The following RASAL2 variants were observed in gnomAD, a reference collection of about 807,000 sequenced individuals.
The protein encoded by RASAL2 is RAS protein activator like 2, also known as ras GTPase-activating protein nGAP.
Under a neutral mutation model 128.9 loss-of-function variants are expected in RASAL2, and 58 were observed. The observed-to-expected ratio is 0.45, with a 90% CI of 0.36 to 0.56. The LOEUF is 0.56. Among genes scored for constraint, RASAL2 ranks in the 20% least tolerant of loss-of-function variants. The pLI, the probability that RASAL2 is intolerant of heterozygous loss-of-function variation, is 0.00. For synonymous variants in RASAL2, 561 were observed against 580.8 expected (o/e 0.97, Z 0.49); for missense variants, 1,360 against 1,601.6 (o/e 0.85, Z 2.57).
In RASAL2 at chr1:178,473,076, A is replaced by G. The variant is rs1353518184; in HGVS notation, c.3680A>G (p.Glu1227Gly). The change falls in exon 18 of 18, where the codon GAA (glutamate) becomes GGA (glycine). Residue 1227 changes from glutamate (E) to glycine (G), a missense_variant and splice_region_variant. By Grantham distance (98) the Glu-to-Gly change is moderately conservative. Around this residue, in one of 3 missense-constraint regions of RASAL2, gnomAD observed 741 missense variants for 868.6 expected, o/e 0.85. Coordinates refer to ENST00000367649, the MANE Select transcript of RASAL2 (RefSeq NM_170692.4). ...AAAGCCATGATTGGTGTGTTGTAGG[A>G]AAAACGGATCGTGTCCCTGGATTCA... is the stretch of plus-strand genomic sequence containing the variant. ...DAKQKIIDAQ[E>G]KRIVSLDSAN... 3 of 1,614,118 alleles carry G rather than the reference A, an allele frequency of 1.9e-6. No individual in the cohort carries two copies. Among genetic ancestry groups the G allele is most frequent in the Non-Finnish European group, 2.5e-6 (3 of 1,179,966 alleles).
chr1:178,283,148 C>G (rs1431535875), intron 1 of RASAL2, among the ~76,000 whole-genome samples: 1 of 152,150 alleles, frequency 6.6e-6, no homozygotes, highest in Non-Finnish European at 1.5e-5. Flanking sequence ...TACATTTACT[C>G]TCAGAGTTCT....
chr1:178,354,769 A>G (rs981247987), intron 3 of RASAL2, among the ~76,000 whole-genome samples: 1 of 152,246 alleles, frequency 6.6e-6, no homozygotes, highest in Non-Finnish European at 1.5e-5. Flanking sequence ...TAAAACATCT[A>G]AAAAGTAAAC....
At chr1:178,248,078 A>G (rs1024884644) in intron 1 of RASAL2, among the ~76,000 whole-genome samples, 2 of 152,198 alleles carry the variant, frequency 1.3e-5, no homozygotes, top group African/African-American at 4.8e-5. Context: ...GTAGATGTCT[A>G]TTAGGTCCAC....
Position 178,451,659 on chromosome 1 carries a change from G to A in RASAL2, c.1716G>A (p.Gln572=), listed in dbSNP as rs1291157457. The change falls in exon 10 of 18, where the codon CAG becomes CAA. Residue 572 remains glutamine (Q), a synonymous_variant. Coordinates refer to ENST00000367649, the MANE Select transcript of RASAL2 (RefSeq NM_170692.4). ...KCSSSELIDH[Q]SNLKMCCELA... ...CATCTAGTGAACTGATAGACCATCAGAGCAACCTGAAAATGTGCTGTGAGC... is the reference window on the plus strand; with the variant it reads ...CATCTAGTGAACTGATAGACCATCAAAGCAACCTGAAAATGTGCTGTGAGC... The A allele has an allele frequency of 1.2e-6, 2 of 1,613,756 alleles. No individual in the cohort carries two copies. The highest frequency in any genetic ancestry group is 2.7e-5 in the African/African-American group (2 of 74,908).
intron 1 of RASAL2, among the ~76,000 whole-genome samples, chr1:178,249,833 A>T (rs537987004): frequency 6.6e-6 from 1 of 152,044 alleles, no homozygotes; most frequent in African/African-American, 2.4e-5. Context: ...TCTTCTGCAG[A>T]TCTGCTCCAG....
At chr1:178,265,321 C>A (rs908904828) in intron 1 of RASAL2, among the ~76,000 whole-genome samples, 1 of 152,148 alleles carries the variant, frequency 6.6e-6, no homozygotes, top group African/African-American at 2.4e-5. Context: ...TGCAGTAGCA[C>A]GATCTTGGCT....
rs571888882 is a variant in RASAL2 at position 178,386,607 on chromosome 1, T to TATAAC, written c.458-3493_458-3492insATAAC. Among the ~76,000 whole-genome samples, 611 of 152,304 alleles carry TATAAC rather than the reference T, an allele frequency of 4.0e-3. 2 individuals are homozygous for TATAAC. Among genetic ancestry groups the TATAAC allele is most frequent in the African/African-American group, 0.013 (523 of 41,578 alleles). On this transcript the variant is annotated intron_variant, in intron 3 of 17. Coordinates refer to ENST00000367649, the MANE Select transcript of RASAL2 (RefSeq NM_170692.4). The stretch of plus-strand genomic sequence containing the variant: ...CTTAACCAGGCTTTTTATAACTCTT[T>TATAAC]TTGCCTTTCAATCTGAAGATGAAAA...
intron 4 of RASAL2, among the ~76,000 whole-genome samples, chr1:178,410,725 G>T (rs1674309898): frequency 6.6e-6 from 1 of 151,608 alleles, no homozygotes; most frequent in Non-Finnish European, 1.5e-5. Flanking sequence ...TGAATACACA[G>T]TTCTCAAAAG....
chr1:178,187,122 C>G (rs1360589433), intron 1 of RASAL2, among the ~76,000 whole-genome samples: 1 of 152,038 alleles, frequency 6.6e-6, no homozygotes, highest in African/African-American at 2.4e-5. Flanking sequence ...TCCACTGCAC[C>G]CGGCTTATTT....
chr1:178,477,299 G>A lies in RASAL2; in HGVS notation c.*4060G>A, dbSNP rs1023638690. 3 of 152,152 alleles carry A rather than the reference G, an allele frequency of 2.0e-5. No homozygotes were observed. The highest frequency in any genetic ancestry group is 4.8e-5 in the African/African-American group (2 of 41,438). The allele number at this position is 152,152 out of a possible 1,614,324, so 9.4% of individuals were successfully genotyped here. A position where few individuals can be genotyped will look rare whatever the true frequency, so the allele number is the denominator to read the frequency against. On this transcript the variant is annotated 3_prime_UTR_variant, in exon 18 of 18. Coordinates refer to ENST00000367649, the MANE Select transcript of RASAL2 (RefSeq NM_170692.4). Reference sequence around the variant, plus strand: ...TTGAGATACTTTGTTTTTTCAATGCGTCAGTTGAAGGATTTAGTTTCTTAA... The same window carrying A: ...TTGAGATACTTTGTTTTTTCAATGCATCAGTTGAAGGATTTAGTTTCTTAA...
At chr1:178,351,388 A>G (rs1670490451) in intron 3 of RASAL2, among the ~76,000 whole-genome samples, 1 of 152,208 alleles carries the variant, frequency 6.6e-6, no homozygotes, top group Non-Finnish European at 1.5e-5. Flanking sequence ...ATCTTAGAGA[A>G]GGCTAGTCCC....
rs1234205571 is a variant in RASAL2, at chr1:178,226,480, T to TA, written c.203-57083dup. On this transcript the variant is annotated intron_variant, in intron 1 of 17. Coordinates refer to ENST00000367649, the MANE Select transcript of RASAL2 (RefSeq NM_170692.4). Reference sequence around the variant, plus strand: ...CTTTTGTTGATTTTTACCTGGTTTTTACCACACCAGCTATGTGGAAGAGAA... The same window carrying TA: ...CTTTTGTTGATTTTTACCTGGTTTTTAACCACACCAGCTATGTGGAAGAGAA... 7.2e-5 allele frequency among the ~76,000 whole-genome samples: 11 copies of TA among 152,332 alleles called. No individual in the cohort carries two copies. The East Asian group carries it at 2.1e-3, about 29-fold the overall frequency.
At chr1:178,432,038 G>T (rs1328038659) in intron 5 of RASAL2, among the ~76,000 whole-genome samples, 6 of 151,324 alleles carry the variant, frequency 4.0e-5, no homozygotes, top group African/African-American at 1.5e-4. Flanking sequence ...GTTGTGGGAG[G>T]TACCCTTTTT....
intron 1 of RASAL2, among the ~76,000 whole-genome samples, chr1:178,240,517 G>A (rs995613071): frequency 6.6e-6 from 1 of 151,554 alleles, no homozygotes; most frequent in Non-Finnish European, 1.5e-5. Flanking sequence ...AATATAAAGG[G>A]ATGTTTTATC....
At chr1:178,347,556 C>T (rs1430005035) in intron 3 of RASAL2, among the ~76,000 whole-genome samples, 1 of 152,116 alleles carries the variant, frequency 6.6e-6, no homozygotes, top group Non-Finnish European at 1.5e-5. Flanking sequence ...TAGTATATAA[C>T]AAGGTGTGCA....
chr1:178,182,113 CATTTATTT>C (rs767282160), intron 1 of RASAL2, among the ~76,000 whole-genome samples: 1 of 152,092 alleles, frequency 6.6e-6, no homozygotes, highest in Non-Finnish European at 1.5e-5. Context: ...CCTCCTACCC[CATTTATTT>C]ATTTATTTAT....
intron 1 of RASAL2, among the ~76,000 whole-genome samples, chr1:178,173,124 C>T (rs1661762317): frequency 6.6e-6 from 1 of 152,072 alleles, no homozygotes; most frequent in Non-Finnish European, 1.5e-5. Context: ...CCATCCCTTC[C>T]TCCCCAGTGT....
chr1:178,238,346 G>T (rs552285064), intron 1 of RASAL2, among the ~76,000 whole-genome samples: 1 of 152,100 alleles, frequency 6.6e-6, no homozygotes, highest in South Asian at 2.1e-4. Context: ...TTCCACATTT[G>T]TGCTATTATT....
chr1:178,338,212 A>AT (rs1216952337), intron 3 of RASAL2, among the ~76,000 whole-genome samples: 1 of 149,476 alleles, frequency 6.7e-6, no homozygotes, highest in Admixed American at 6.7e-5. Context: ...TCACTGCAAC[A>AT]TTTGCCTCCT....
Sources: allele counts gnomAD v4.1 joint callset (sites outside exome capture counted in the v4.1 genomes callset), GRCh38; gene constraint gnomAD v4.1.1; regional missense constraint gnomAD v4.1.1; transcripts MANE v1.5; gene names NCBI Gene and HGNC (gene_info 2026-07-23, HGNC 2026-07-21).